ZNF726: variants seen among roughly 807,000 people sequenced by gnomAD.
The protein encoded by ZNF726 is zinc finger protein 726, also known as zinc finger protein 92 pseudogene 3.
In ZNF726, 15 loss-of-function variants were observed where a neutral mutation model predicts 11.6. That is an observed-to-expected ratio of 1.29 (90% CI 0.86 to 1.99). The LOEUF (loss-of-function observed/expected upper bound fraction) is 1.99, where lower values mean the gene tolerates loss of function less well. Ranked by LOEUF, ZNF726 falls within the 30% of genes most tolerant of loss-of-function variation. ZNF726 has a pLI of 0.00. For missense variants in ZNF726, 890 were observed against 725.6 expected, an observed-to-expected ratio of 1.23 and a Z score of -2.60; for synonymous variants, 295 against 243.6, an observed-to-expected ratio of 1.21 and a Z score of -1.96.
At chr19:23,935,157 C>T, downstream of ZNF726, 1 of 382,238 alleles carries the variant, frequency 2.6e-6, no homozygotes, top group Non-Finnish European at 5.3e-6. Context: ...GTCTTGAATC[C>T]CCACATGTTG....
rs114748867 is a variant in ZNF726, at chr19:23,933,175, C to T, written c.1059C>T (p.Phe353=). Residue 353 remains phenylalanine, a synonymous_variant, in exon 4 of 4, where the codon TTC becomes TTT. Coordinates refer to ENST00000594466, the MANE Select transcript of ZNF726 (RefSeq NM_001244038.2). The part of the protein sequence containing the change: ...CEECAKAFSQ[F]GHLTTHRIIH... ...AATGTGCCAAAGCTTTTAGCCAATTCGGACACCTTACTACACATAGGATAA... is the reference window on the plus strand; with the variant it reads ...AATGTGCCAAAGCTTTTAGCCAATTTGGACACCTTACTACACATAGGATAA... 89,849 of 1,612,734 alleles carry T rather than the reference C, an allele frequency of 0.056. 3,111 individuals are homozygous for T. Among genetic ancestry groups the T allele is most frequent in the South Asian group, 0.078 (7,145 of 91,038 alleles).
chr19:23,935,417 A>T (rs781055630), downstream of ZNF726: 1 of 522,022 alleles, frequency 1.9e-6, no homozygotes, highest in Non-Finnish European at 3.9e-6. Context: ...ACCAGTCCTC[A>T]CATCTTACTA....
At chr19:23,943,220 C>T (rs941257708) in intron 3 of ZNF726, among the ~76,000 whole-genome samples, 6 of 152,110 alleles carry the variant, frequency 3.9e-5, no homozygotes, top group African/African-American at 1.4e-4. Context: ...GGGGTTTCAC[C>T]CCCATGTCTA....
rs1272795979 is a variant in ZNF726, at chr19:23,932,650, T to G, written c.534T>G (p.Cys178Trp). 1.3e-6 allele frequency: 2 copies of G among 1,571,046 alleles called. No individual in the cohort carries two copies. The highest frequency in any genetic ancestry group is 1.7e-6 in the Non-Finnish European group (2 of 1,160,652). ...TRKKPFKCKN[C>W]VKSFCMFSHK... ...AGAAACCTTTCAAATGTAAAAATTGTGTCAAATCATTTTGCATGTTTTCAC... is the reference window on the plus strand; with the variant it reads ...AGAAACCTTTCAAATGTAAAAATTGGGTCAAATCATTTTGCATGTTTTCAC... Residue 178 changes from cysteine (C) to tryptophan (W), a missense_variant, in exon 4 of 4, where the codon TGT (cysteine) becomes TGG (tryptophan). Cys to Trp is a radical substitution (Grantham distance 215, BLOSUM62 -2). Transcript: ENST00000594466.
chr19:23,938,818 G>A (rs1332706043), downstream of ZNF726, among the ~76,000 whole-genome samples: 1 of 151,918 alleles, frequency 6.6e-6, no homozygotes, highest in African/African-American at 2.4e-5. Flanking sequence ...TGTTGGTCAG[G>A]CTGGTCTTAA....
At position 23,934,073 on chromosome 19, in the gene ZNF726, T is replaced by C. The variant is rs762611568; in HGVS notation, c.*106T>C. ...AGAGAAACCCTACAAATGTGAAGAATGTGAAAAAGCTTTTAATCCTCAAAT... is the reference window on the plus strand; with the variant it reads ...AGAGAAACCCTACAAATGTGAAGAACGTGAAAAAGCTTTTAATCCTCAAAT... On this transcript the variant is annotated 3_prime_UTR_variant, in exon 4 of 4. Coordinates refer to ENST00000594466, the MANE Select transcript of ZNF726 (RefSeq NM_001244038.2). The C allele has an allele frequency of 4.3e-6, 6 of 1,396,842 alleles. No homozygotes were observed. The South Asian group carries it at 5.9e-5, about 14-fold the overall frequency. The allele number at this position is 1,396,842 out of a possible 1,614,324, so 86.5% of individuals were successfully genotyped here. A position where few individuals can be genotyped will look rare whatever the true frequency, so the allele number is the denominator to read the frequency against.
intron 3 of ZNF726, among the ~76,000 whole-genome samples, chr19:23,931,561 GT>G (rs1968106397): frequency 6.6e-6 from 1 of 151,916 alleles, no homozygotes; most frequent in Admixed American, 6.6e-5. Context: ...GCTATATTTT[GT>G]ATATATTATA....
In ZNF726 at chr19:23,920,083, G is replaced by T. The variant is rs754240251; in HGVS notation, c.226+1G>T. On this transcript the variant is annotated splice_donor_variant, in intron 3 of 3. Transcript: ENST00000594466. LOFTEE classifies it high-confidence loss of function. The stretch of plus-strand genomic sequence containing the variant: ...GATGAGATGGTGGATGAACCCCCAG[G>T]TAGGTGAGAGTGAATACAACAGATG... The T allele has an allele frequency of 6.4e-7, 1 of 1,572,382 alleles. No homozygotes were observed. Among genetic ancestry groups the T allele is most frequent in the Non-Finnish European group, 8.7e-7 (1 of 1,153,928 alleles).
rs754938837 is a variant in ZNF726, at chr19:23,919,412, C to T, written c.43C>T (p.Leu15=). ...TFRDVAIEFS[L]EEWQCLDTAQ... is the part of the protein sequence containing the mutation. Reference sequence around the variant, plus strand: ...TAGGGATGTGGCCATAGAATTCTCTCTGGAGGAGTGGCAGTGCCTGGACAC... The same window carrying T: ...TAGGGATGTGGCCATAGAATTCTCTTTGGAGGAGTGGCAGTGCCTGGACAC... Residue 15 remains leucine (L), a synonymous_variant, in exon 2 of 4, where the codon CTG becomes TTG. Coordinates refer to ENST00000594466, the MANE Select transcript of ZNF726 (RefSeq NM_001244038.2). The T allele has an allele frequency of 4.5e-5, 73 of 1,608,034 alleles. No homozygotes were observed. The highest frequency in any genetic ancestry group is 5.9e-5 in the Non-Finnish European group (69 of 1,176,424).
Position 23,932,375 on chromosome 19 carries a change from C to A in ZNF726, c.259C>A (p.Pro87Thr). Residue 87 changes from proline (P) to threonine (T), a missense_variant, in exon 4 of 4, where the codon CCA becomes ACA. Coordinates refer to ENST00000594466, the MANE Select transcript of ZNF726 (RefSeq NM_001244038.2). ...TCCTCATTTTGCTCAAGACATTTGG[C>A]CAGAGCAGGGCGTGGAAGATTCTTT... ...ICPHFAQDIW[P>T]EQGVEDSFQK... 6.9e-7 allele frequency: 1 copy of A among 1,457,096 alleles called. No homozygotes were observed. Among genetic ancestry groups the A allele is most frequent in the Non-Finnish European group, 9.0e-7 (1 of 1,106,512 alleles). 90.3% of individuals were successfully genotyped at this position (1,457,096 alleles called of 1,614,324 possible).
chr19:23,924,917 G>GCATAT (rs1174591757), intron 3 of ZNF726, among the ~76,000 whole-genome samples: 1 of 151,806 alleles, frequency 6.6e-6, no homozygotes, highest in African/African-American at 2.4e-5. Flanking sequence ...TATATTTCAG[G>GCATAT]CATATCATGT....
At chr19:23,915,423 T>A (rs1027307007) in intron 1 of ZNF726, among the ~76,000 whole-genome samples, 4 of 152,162 alleles carry the variant, frequency 2.6e-5, no homozygotes, top group South Asian at 2.1e-4. Flanking sequence ...ATTAAATAAT[T>A]TAAAGTGTGA....
chr19:23,917,330 G>C (rs1169752149), intron 1 of ZNF726, among the ~76,000 whole-genome samples: 1 of 152,120 alleles, frequency 6.6e-6, no homozygotes, highest in Non-Finnish European at 1.5e-5. Flanking sequence ...GGCCATAAAA[G>C]GTGAGTTTCA....
In ZNF726 at chr19:23,932,492, C is replaced by T. The variant is rs1185054673; in HGVS notation, c.376C>T (p.His126Tyr). The change falls in exon 4 of 4, where the codon CAC becomes TAC. Residue 126 changes from histidine (H) to tyrosine (Y), a missense_variant. His to Tyr is a moderately conservative substitution (Grantham distance 83). Transcript: ENST00000594466. ...GCKSVDECKVHKEGYNGLNQC... is the reference protein window; with the variant it reads ...GCKSVDECKVYKEGYNGLNQC... ...TAAAAGTGTGGATGAGTGTAAGGTA[C>T]ACAAAGAAGGTTATAATGGACTTAA... The T allele has an allele frequency of 1.3e-5, 20 of 1,588,568 alleles. No individual in the cohort carries two copies. The highest frequency in any genetic ancestry group is 2.7e-5 in the African/African-American group (2 of 73,618).
exon 4 of ZNF726, chr19:23,943,511 C>G: frequency 1.5e-6 from 1 of 663,232 alleles, no homozygotes; most frequent in Middle Eastern, 2.4e-4. Flanking sequence ...TGTCTCTAAC[C>G]CTGATCTGAT....
chr19:23,925,918 T>C (rs977153242), intron 3 of ZNF726, among the ~76,000 whole-genome samples: 1 of 151,974 alleles, frequency 6.6e-6, no homozygotes, highest in Non-Finnish European at 1.5e-5. Context: ...AGTTTCACCA[T>C]GTTGGTCAGG....
chr19:23,919,538 A>G, intron 2 of ZNF726, 39 bp downstream of exon 2: 4 of 1,536,174 alleles, frequency 2.6e-6, no homozygotes, highest in Non-Finnish European at 3.5e-6. Context: ...AATATAAACT[A>G]AAGCTTTTAT....
At chr19:23,935,579 A>G, downstream of ZNF726, 1 of 312,308 alleles carries the variant, frequency 3.2e-6, no homozygotes, top group Non-Finnish European at 6.4e-6. Context: ...CTTTGACAGC[A>G]TCTCAAACTT....
downstream of ZNF726, among the ~76,000 whole-genome samples, chr19:23,939,483 C>T (rs948731045): frequency 6.6e-6 from 1 of 152,150 alleles, no homozygotes; most frequent in South Asian, 2.1e-4. Context: ...TCTGGGTTCT[C>T]TGTTCCATTG....
Sources: allele counts gnomAD v4.1 joint callset (sites outside exome capture counted in the v4.1 genomes callset), GRCh38; gene constraint gnomAD v4.1.1; transcripts MANE v1.5; gene names NCBI Gene and HGNC (gene_info 2026-07-23, HGNC 2026-07-21).